The following ARHGAP6 variants were observed in gnomAD, a reference collection of about 807,000 sequenced individuals.
ARHGAP6 encodes Rho GTPase activating protein 6.
Under a neutral mutation model 55.7 loss-of-function variants are expected in ARHGAP6, and 16 were observed. That is an observed-to-expected ratio of 0.29 (90% CI 0.19 to 0.44). The LOEUF (loss-of-function observed/expected upper bound fraction) is 0.44, where lower values mean the gene tolerates loss of function less well. Among genes scored for constraint, ARHGAP6 ranks in the 20% least tolerant of loss-of-function variants. The pLI, the probability that ARHGAP6 is intolerant of heterozygous loss-of-function variation, is 1.00. For missense variants in ARHGAP6, 698 were observed against 808.9 expected (o/e 0.86, Z 1.66); for synonymous variants, 382 against 360.9 (o/e 1.06, Z -0.66).
intron 1 of ARHGAP6, among the ~76,000 whole-genome samples, chrX:11,501,942 T>C (rs1279253730): frequency 9.0e-6 from 1 of 111,632 alleles, no homozygotes; most frequent in African/African-American, 3.3e-5. Context: ...ACTTGTGTTG[T>C]TGAAAGATCA....
intron 1 of ARHGAP6, among the ~76,000 whole-genome samples, chrX:11,380,722 C>T (rs1218146341): frequency 8.9e-6 from 1 of 111,877 alleles, no homozygotes; most frequent in East Asian, 2.8e-4. Context: ...AGTACAGTTT[C>T]TCAGCTTTGG....
chrX:11,312,679 T>C lies in ARHGAP6; in HGVS notation c.589-57972A>G, dbSNP rs138096509. ...TGCAGCACTCGCTTAATCAGTGTTG[T>C]TGTGGATGATGATGATGATTATTAT... On this transcript the variant is annotated intron_variant, in intron 1 of 12. Coordinates refer to ENST00000337414, the MANE Select transcript of ARHGAP6 (RefSeq NM_013427.3). Among the ~76,000 whole-genome samples, 356 of 112,065 alleles carry C rather than the reference T, an allele frequency of 3.2e-3. 1 individual carries two copies. Among genetic ancestry groups the C allele is most frequent in the African/African-American group, 0.011 (328 of 30,806 alleles).
intron 1 of ARHGAP6, among the ~76,000 whole-genome samples, chrX:11,661,367 G>T (rs1444110871): frequency 2.7e-5 from 3 of 112,611 alleles, no homozygotes; most frequent in Non-Finnish European, 3.7e-5. Flanking sequence ...TTTTGTTAAA[G>T]CAATCCTGAA....
chrX:11,602,472 G>A (rs2051987820), intron 1 of ARHGAP6, among the ~76,000 whole-genome samples: 1 of 112,761 alleles, frequency 8.9e-6, no homozygotes, highest in South Asian at 3.7e-4. Flanking sequence ...CTGTGCCTGT[G>A]CAGTGCTACT....
At chrX:11,487,514 C>A (rs939691605) in intron 1 of ARHGAP6, among the ~76,000 whole-genome samples, 1 of 112,148 alleles carries the variant, frequency 8.9e-6, no homozygotes, top group Admixed American at 9.5e-5. Flanking sequence ...ATAGAAGATG[C>A]CCAGTTAAAC....
intron 6 of ARHGAP6, among the ~76,000 whole-genome samples, chrX:11,180,796 G>A (rs2046304572): frequency 1.8e-5 from 2 of 111,975 alleles, no homozygotes; most frequent in Non-Finnish European, 1.9e-5. Flanking sequence ...CAGACAGCAC[G>A]CCATCAGCGT....
intron 8 of ARHGAP6, among the ~76,000 whole-genome samples, chrX:11,174,242 C>A (rs2046136135): frequency 8.9e-6 from 1 of 112,005 alleles, no homozygotes; most frequent in African/African-American, 3.2e-5. Context: ...CCCTACACAC[C>A]CTTTGATGTG....
chrX:11,393,792 A>G (rs1216937714), intron 1 of ARHGAP6, among the ~76,000 whole-genome samples: 1 of 111,750 alleles, frequency 8.9e-6, no homozygotes, highest in Non-Finnish European at 1.9e-5. Context: ...CTCAGCCCAG[A>G]GCCTGAATTC....
At chrX:11,393,714 A>G (rs773979874) in intron 1 of ARHGAP6, among the ~76,000 whole-genome samples, 1 of 111,714 alleles carries the variant, frequency 9.0e-6, no homozygotes, top group African/African-American at 3.2e-5. Flanking sequence ...CAAGTATTGG[A>G]GAGATTTAAT....
intron 1 of ARHGAP6, among the ~76,000 whole-genome samples, chrX:11,286,607 C>A (rs1450640463): frequency 9.0e-6 from 1 of 111,339 alleles, no homozygotes; most frequent in Non-Finnish European, 1.9e-5. Flanking sequence ...AATTTGCCCC[C>A]TCACTCCCCC....
intron 1 of ARHGAP6, among the ~76,000 whole-genome samples, chrX:11,648,700 T>A (rs2052554699): frequency 8.9e-6 from 1 of 112,052 alleles, no homozygotes; most frequent in Non-Finnish European, 1.9e-5. Context: ...AAAACTGAAA[T>A]TCACACCTAA....
At chrX:11,260,037 T>A in intron 1 of ARHGAP6, among the ~76,000 whole-genome samples, 1 of 110,574 alleles carries the variant, frequency 9.0e-6, no homozygotes, top group Admixed American at 9.7e-5. Flanking sequence ...AGGAGAGAGG[T>A]AGAGGCAGAA....
chrX:11,349,433 G>A (rs1468881847), intron 1 of ARHGAP6, among the ~76,000 whole-genome samples: 1 of 111,180 alleles, frequency 9.0e-6, no homozygotes, highest in Non-Finnish European at 1.9e-5. Flanking sequence ...GTACCATCAG[G>A]GCAGGGGTTT....
At chrX:11,512,086 A>G (rs1356311214) in intron 1 of ARHGAP6, among the ~76,000 whole-genome samples, 1 of 111,508 alleles carries the variant, frequency 9.0e-6, no homozygotes, top group Non-Finnish European at 1.9e-5. Context: ...TTGGCCTCCC[A>G]AAGTGCTGGG....
At chrX:11,573,037 T>C (rs1384711757) in intron 1 of ARHGAP6, among the ~76,000 whole-genome samples, 1 of 111,789 alleles carries the variant, frequency 8.9e-6, no homozygotes, top group African/African-American at 3.3e-5. Context: ...GATGGGGTTG[T>C]TTTTTTCTTG....
At position 11,139,238 on chromosome X, in the gene ARHGAP6, G is replaced by A; in HGVS notation, c.2550C>T (p.Ser850=). 1 of 1,199,340 alleles carries A rather than the reference G, an allele frequency of 8.3e-7. No individual in the cohort carries two copies. The highest frequency in any genetic ancestry group is 2.3e-4 in the Middle Eastern group (1 of 4,341). ...GCCCGGCCACATCCAGCTCACTCTC[G>A]CTGAGGTCGTGGGCGCCGCTCAGGG... The part of the protein sequence containing the change: ...YLTLSGAHDL[S]ESELDVAGLQ... The change falls in exon 13 of 13, where the codon AGC becomes AGT. Residue 850 remains serine (S), a synonymous_variant. Coordinates refer to ENST00000337414, the MANE Select transcript of ARHGAP6 (RefSeq NM_013427.3).
intron 1 of ARHGAP6, among the ~76,000 whole-genome samples, chrX:11,526,918 G>A (rs1395203579): frequency 9.1e-6 from 1 of 110,313 alleles, no homozygotes; most frequent in Non-Finnish European, 1.9e-5. Flanking sequence ...TGGAGGAGAG[G>A]TGTCCATAAT....
intron 1 of ARHGAP6, among the ~76,000 whole-genome samples, chrX:11,469,193 T>C (rs761617529): frequency 4.4e-5 from 5 of 112,814 alleles, no homozygotes; most frequent in African/African-American, 1.3e-4. Flanking sequence ...TTTTAGAATA[T>C]GATAATGCTT....
intron 3 of ARHGAP6, among the ~76,000 whole-genome samples, chrX:11,195,675 A>G (rs1385781770): frequency 1.8e-5 from 2 of 110,256 alleles, no homozygotes; most frequent in African/African-American, 6.6e-5. Flanking sequence ...GGAGGGTGGG[A>G]GGAAAGTGAG....
Sources: gnomAD v4.1 joint callset for allele counts (sites outside exome capture counted in the v4.1 genomes callset) on GRCh38, gnomAD v4.1.1 for gene constraint, MANE v1.5 for transcripts, NCBI Gene and HGNC (gene_info 2026-07-23, HGNC 2026-07-21) for gene names.